KDM2B: variants seen among roughly 807,000 people sequenced by gnomAD.
The protein encoded by KDM2B is lysine-specific demethylase 2B.
KDM2B carries 26 observed loss-of-function variants against 150.0 expected under a neutral mutation model. The ratio of observed to expected loss-of-function variants is 0.17; its 90% CI spans 0.13 to 0.24. The LOEUF is 0.24. KDM2B is among the 10% of genes least tolerant of loss of function. KDM2B has a pLI of 1.00. For synonymous variants in KDM2B, 734 were observed against 729.5 expected (o/e 1.01, Z -0.10); for missense variants, 1,265 against 1,816.9 (o/e 0.70, Z 5.52).
chr12:121,516,864 C>T (rs1555305098), intron 9 of KDM2B: 1 of 516,282 alleles, frequency 1.9e-6, no homozygotes, highest in South Asian at 1.9e-5. Context: ...TGTTTTTCTC[C>T]TGGAAAAAAA....
intron 6 of KDM2B, among the ~76,000 whole-genome samples, chr12:121,546,378 C>CT (rs1566402100): frequency 3.2e-5 from 3 of 92,482 alleles, no homozygotes; most frequent in Non-Finnish European, 5.9e-5. Flanking sequence ...TTTTTTTTTG[C>CT]CTTTTTTTTT....
chr12:121,498,901 C>A (rs1279519037), intron 11 of KDM2B, among the ~76,000 whole-genome samples: 1 of 152,104 alleles, frequency 6.6e-6, no homozygotes, highest in East Asian at 1.9e-4. Context: ...CAGCCTCGAA[C>A]TCCTGGGCTC....
chr12:121,504,628 C>T (rs1481763244), intron 11 of KDM2B, among the ~76,000 whole-genome samples: 13 of 152,076 alleles, frequency 8.5e-5, no homozygotes, highest in Non-Finnish European at 1.5e-5. Context: ...GGGTATGGGA[C>T]GTGGCAGCTC....
At position 121,445,388 on chromosome 12, in the gene KDM2B, C is replaced by A. The variant is rs1555290002; in HGVS notation, c.1990G>T (p.Val664Leu). The A allele has an allele frequency of 2.5e-6, 4 of 1,608,602 alleles. No homozygotes were observed. The highest frequency in any genetic ancestry group is 8.5e-7 in the Non-Finnish European group (1 of 1,177,078). The change falls in exon 14 of 23, where the codon GTG becomes TTG. Residue 664 changes from valine to leucine, a missense_variant. Transcript: ENST00000377071. ...TCTTCCTTCCCCGCCTCGCCACACACAAGGCACACGGCGGTGTGGGGCAGC... is the reference window on the plus strand; with the variant it reads ...TCTTCCTTCCCCGCCTCGCCACACAAAAGGCACACGGCGGTGTGGGGCAGC... ...PVLPHTAVCLVCGEAGKEDTV... is the reference protein window; with the variant it reads ...PVLPHTAVCLLCGEAGKEDTV...
chr12:121,430,157 G>A lies in KDM2B; in HGVS notation c.*131C>T. On this transcript the variant is annotated 3_prime_UTR_variant, in exon 23 of 23. Transcript: ENST00000377071. This position sits in a 1 kb window ranked among gnomAD's most constrained non-coding sequence, Gnocchi z 4.4. ...CGGGTGGTTGAACAGCTTCTCCCTT[G>A]GAAAGACTTGCAAAATGGAATTGCG... The A allele has an allele frequency of 1.9e-6, 3 of 1,614,130 alleles. No homozygotes were observed. In the South Asian group the frequency reaches 3.3e-5, roughly 18 times the overall value.
chr12:121,533,764 T>G lies in KDM2B; in HGVS notation c.777+733A>C, dbSNP rs763196958. Among the ~76,000 whole-genome samples the G allele has an allele frequency of 6.6e-6, 1 of 152,102 alleles. No individual in the cohort carries two copies. The highest frequency in any genetic ancestry group is 2.4e-5 in the African/African-American group (1 of 41,410). ...GGCCTGCATGGGTGACTAGATGCGA[T>G]GTAAAAGGGCTGAACTTGACCTTGC... On this transcript the variant is annotated intron_variant, in intron 7 of 22. Coordinates refer to ENST00000377071, the MANE Select transcript of KDM2B (RefSeq NM_032590.5). This position sits in a 1 kb window ranked among gnomAD's most constrained non-coding sequence, Gnocchi z 4.1.
At chr12:121,478,866 T>TTGTTTGTTTGTCTGTGTGTGTGTG (rs61509046) in intron 12 of KDM2B, among the ~76,000 whole-genome samples, 1 of 131,132 alleles carries the variant, frequency 7.6e-6, no homozygotes, top group Non-Finnish European at 1.6e-5. Context: ...TTTTGTTTGT[T>TTGTTTGTTTGTCTGTGTGTGTGTG]TGTGTGTGTG....
At position 121,570,102 on chromosome 12, in the gene KDM2B, G is replaced by A. The variant is rs150499079; in HGVS notation, c.397+4445C>T. ...TATTGCTCTTGTTGCCCAGGCTGGAGTGCAATGGCCAATCTCTGCTCACTG... is the reference window on the plus strand; with the variant it reads ...TATTGCTCTTGTTGCCCAGGCTGGAATGCAATGGCCAATCTCTGCTCACTG... On this transcript the variant is annotated intron_variant, in intron 4 of 22. Coordinates refer to ENST00000377071, the MANE Select transcript of KDM2B (RefSeq NM_032590.5). Among the ~76,000 whole-genome samples the A allele has an allele frequency of 9.7e-3, 1,482 of 152,152 alleles. 19 individuals are homozygous for A. Among genetic ancestry groups the A allele is most frequent in the African/African-American group, 0.034 (1,412 of 41,488 alleles).
At chr12:121,497,662 G>A (rs1884118642) in intron 11 of KDM2B, among the ~76,000 whole-genome samples, 1 of 151,994 alleles carries the variant, frequency 6.6e-6, no homozygotes, top group South Asian at 2.1e-4. Context: ...TCTACAAAAT[G>A]CCTGAACAGA....
intron 12 of KDM2B, among the ~76,000 whole-genome samples, chr12:121,486,470 C>T (rs550516120): frequency 1.3e-5 from 2 of 150,476 alleles, no homozygotes; most frequent in East Asian, 3.9e-4. Context: ...TGAGCCACTG[C>T]GCCCGGCATT....
rs1050161390 is a variant in KDM2B, at chr12:121,518,053, C to A, written c.1047+2932G>T. 6.6e-6 allele frequency among the ~76,000 whole-genome samples: 1 copy of A among 150,730 alleles called. No individual in the cohort carries two copies. The highest frequency in any genetic ancestry group is 2.4e-5 in the African/African-American group (1 of 40,986). On this transcript the variant is annotated intron_variant, in intron 9 of 22. Transcript: ENST00000377071. The surrounding 1 kb of genome is among the most constrained non-coding windows in gnomAD (Gnocchi z 4.4). The stretch of plus-strand genomic sequence containing the variant: ...GATTACAGGCACACACCACCATGCT[C>A]GGCTAATTTTTGTATTTTTAGTAGA...
intron 12 of KDM2B, among the ~76,000 whole-genome samples, chr12:121,485,431 G>A (rs1401087429): frequency 6.6e-6 from 1 of 152,092 alleles, no homozygotes; most frequent in Non-Finnish European, 1.5e-5. Flanking sequence ...AGAAGCATCC[G>A]ATTGTCCTAT....
At chr12:121,425,116 CCTGG>C (rs1488498561), downstream of KDM2B, among the ~76,000 whole-genome samples, 1 of 152,010 alleles carries the variant, frequency 6.6e-6, no homozygotes, top group East Asian at 1.9e-4. Context: ...TCGAGACCAG[CCTGG>C]TCAACATGGT....
chr12:121,495,776 G>A (rs1883871455), intron 11 of KDM2B, among the ~76,000 whole-genome samples: 1 of 152,176 alleles, frequency 6.6e-6, no homozygotes, highest in African/African-American at 2.4e-5. Flanking sequence ...TAACCCTGCT[G>A]TGTGACGACG....
chr12:121,424,324 T>C (rs1264974936), downstream of KDM2B: 2 of 152,674 alleles, frequency 1.3e-5, no homozygotes, highest in Admixed American at 6.5e-5. Context: ...ATTTTAACTT[T>C]AGGAATAAAA....
intron 12 of KDM2B, 56 bp downstream of exon 12, chr12:121,494,523 A>G: frequency 4.3e-6 from 6 of 1,388,674 alleles, no homozygotes; most frequent in Non-Finnish European, 6.1e-6. Context: ...TTCACCCTAC[A>G]GGAGGTGGGA....
intron 11 of KDM2B, among the ~76,000 whole-genome samples, chr12:121,501,910 C>G (rs1159337123): frequency 6.6e-6 from 1 of 152,024 alleles, no homozygotes; most frequent in Admixed American, 6.6e-5. Flanking sequence ...CGTGAGCCAC[C>G]GTGCCTAGCC....
At chr12:121,517,982 T>C (rs1354799547) in intron 9 of KDM2B, among the ~76,000 whole-genome samples, 1 of 151,868 alleles carries the variant, frequency 6.6e-6, no homozygotes, top group African/African-American at 2.4e-5. Context: ...AACCTTTGCC[T>C]CCCGGGTTCA....
Position 121,575,693 on chromosome 12 carries a change from G to T in KDM2B, c.350+88C>A. 3.2e-6 allele frequency: 3 copies of T among 936,302 alleles called. No homozygotes were observed. Among genetic ancestry groups the T allele is most frequent in the South Asian group, 1.3e-5 (1 of 76,018 alleles). The allele number at this position is 936,302 out of a possible 1,614,324, so 58.0% of individuals were successfully genotyped here. ...AAGATCCTTCTCAGTGATGAGAGGT[G>T]GGAAGAGGGTGGAAGAAATCCATCC... On this transcript the variant is annotated intron_variant, in intron 3 of 22. Transcript: ENST00000377071. The surrounding 1 kb of genome is among the most constrained non-coding windows in gnomAD (Gnocchi z 4.4).
Sources: gnomAD v4.1 joint callset for allele counts (sites outside exome capture counted in the v4.1 genomes callset) on GRCh38, gnomAD v4.1.1 for gene constraint, Gnocchi (gnomAD v3.1) non-coding constraint, MANE v1.5 for transcripts, NCBI Gene and HGNC (gene_info 2026-07-23, HGNC 2026-07-21) for gene names.